Variants in ST3GAL3 observed in about 807,000 individuals in gnomAD.
ST3GAL3 encodes the protein ST3 beta-galactoside alpha-2,3-sialyltransferase 3.
In ST3GAL3, 21 loss-of-function variants were observed where a neutral mutation model predicts 50.1. The observed-to-expected ratio is 0.42, with a 90% CI of 0.30 to 0.60. ST3GAL3 has a LOEUF of 0.60. Ranked by LOEUF, ST3GAL3 falls within the 20% of genes least tolerant of loss-of-function variation. The pLI is 0.19. For missense variants in ST3GAL3, 353 were observed against 489.4 expected, an observed-to-expected ratio of 0.72 and a Z score of 2.63; for synonymous variants, 183 against 190.0, an observed-to-expected ratio of 0.96 and a Z score of 0.30.
At position 43,894,212 on chromosome 1, in the gene ST3GAL3, T is replaced by C. The variant is rs2077039921; in HGVS notation, c.303-171T>C. 2.9e-6 allele frequency: 2 copies of C among 695,020 alleles called. 1 individual carries two copies. The highest frequency in any genetic ancestry group is 3.5e-5 in the African/African-American group (2 of 57,658). The allele number at this position is 695,020 out of a possible 1,614,324, so 43.1% of individuals were successfully genotyped here. Reference sequence around the variant, plus strand: ...CAGACTCAGGCTCCACTGAACAAGATCTGTCAAACCCCTCGACAGCTACCC... The same window carrying C: ...CAGACTCAGGCTCCACTGAACAAGACCTGTCAAACCCCTCGACAGCTACCC... On this transcript the variant is annotated intron_variant, in intron 5 of 11. Transcript: ENST00000347631.
intron 2 of ST3GAL3, among the ~76,000 whole-genome samples, chr1:43,778,040 A>G (rs1037515803): frequency 4.6e-5 from 7 of 152,252 alleles, no homozygotes; most frequent in Admixed American, 3.9e-4. Flanking sequence ...ATGCCAATCA[A>G]TGATAGACTG....
chr1:43,809,150 A>C (rs1028733930), intron 3 of ST3GAL3, among the ~76,000 whole-genome samples: 1 of 152,200 alleles, frequency 6.6e-6, no homozygotes, highest in African/African-American at 2.4e-5. Flanking sequence ...GGGAAAAAAA[A>C]CAATCAGTAG....
At chr1:43,723,140 G>T (rs562165596) in intron 1 of ST3GAL3, among the ~76,000 whole-genome samples, 6 of 148,736 alleles carry the variant, frequency 4.0e-5, no homozygotes, top group Non-Finnish European at 8.9e-5. Context: ...ATGGAGTCTC[G>T]TTCTATTGCC....
chr1:43,817,601 TCTCCTTCTC>T lies in ST3GAL3; in HGVS notation c.209+2683_209+2691del, dbSNP rs139405598. 3.0e-3 allele frequency among the ~76,000 whole-genome samples: 86 copies of T among 29,110 alleles called. 1 individual carries two copies. The highest frequency in any genetic ancestry group is 6.8e-3 in the East Asian group (3 of 442). The allele number at this position is 29,110 out of a possible 152,430, so 19.1% of individuals were successfully genotyped here. A position where few individuals can be genotyped will look rare whatever the true frequency, so the allele number is the denominator to read the frequency against. Reference sequence around the variant, plus strand: ...CCTTCTCCTCCTTCTCCTCCTCCCTTCTCCTTCTCCTCCTTCTCCTCCTCCCTTCTCCTC... The same window carrying T: ...CCTTCTCCTCCTTCTCCTCCTCCCTTCTCCTTCTCCTCCTCCCTTCTCCTC... On this transcript the variant is annotated intron_variant, in intron 4 of 11. Transcript: ENST00000347631.
At chr1:43,808,303 CAA>C (rs35302476) in intron 3 of ST3GAL3, among the ~76,000 whole-genome samples, 81 of 108,158 alleles carry the variant, frequency 7.5e-4, no homozygotes, top group East Asian at 1.8e-3. Context: ...GACTCCATCT[CAA>C]AAAAAAAAAA....
intron 5 of ST3GAL3, among the ~76,000 whole-genome samples, chr1:43,892,471 T>C (rs1437855359): frequency 6.6e-6 from 1 of 152,208 alleles, no homozygotes; most frequent in Non-Finnish European, 1.5e-5. Flanking sequence ...GAAAATCAGT[T>C]TCAAGGTATA....
chr1:43,898,278 C>T lies in ST3GAL3; in HGVS notation c.441C>T (p.Arg147=). 6.2e-7 allele frequency: 1 copy of T among 1,613,820 alleles called. No homozygotes were observed. Among genetic ancestry groups the T allele is most frequent in the South Asian group, 1.1e-5 (1 of 91,082 alleles). Residue 147 remains arginine, a synonymous_variant, in exon 7 of 12, where the codon CGC becomes CGT. Transcript: ENST00000347631. ...KAILSVTKEY[R]LTPALDSLRC... ...TCTTGTCAGTCACCAAAGAGTACCG[C>T]CTGACCCCTGCCTTGGACAGGTGAG... is the stretch of plus-strand genomic sequence containing the variant.
Position 43,765,780 on chromosome 1 carries a change from TGTGTGC to T in ST3GAL3, c.119-26320_119-26315del, listed in dbSNP as rs1463821430. ...GTGTGTGTGTGTGTGTGTGTGTGTG[TGTGTGC>T]GCGCGCGCGCGCGCGTCCGCGCGTC... On this transcript the variant is annotated intron_variant, in intron 2 of 11. Coordinates refer to ENST00000347631, the MANE Select transcript of ST3GAL3 (RefSeq NM_006279.5). 1.4e-3 allele frequency among the ~76,000 whole-genome samples: 194 copies of T among 138,882 alleles called. 1 individual carries two copies. In the South Asian group the frequency reaches 0.015, roughly 11 times the overall value. The allele number at this position is 138,882 out of a possible 152,430, so 91.1% of individuals were successfully genotyped here.
chr1:43,835,670 GAA>G (rs1170470385), intron 4 of ST3GAL3, among the ~76,000 whole-genome samples: 1 of 152,158 alleles, frequency 6.6e-6, no homozygotes, highest in Non-Finnish European at 1.5e-5. Context: ...AAACTAGAGA[GAA>G]AAGAGGTGGC....
At chr1:43,807,080 G>T (rs924277124) in intron 3 of ST3GAL3, among the ~76,000 whole-genome samples, 1 of 152,202 alleles carries the variant, frequency 6.6e-6, no homozygotes, top group Non-Finnish European at 1.5e-5. Flanking sequence ...GTTCAGCCTC[G>T]CAGGAACATT....
At chr1:43,716,111 C>A (rs778052609) in intron 1 of ST3GAL3, among the ~76,000 whole-genome samples, 1 of 152,332 alleles carries the variant, frequency 6.6e-6, no homozygotes, top group Non-Finnish European at 1.5e-5. Context: ...ATGCACTCAA[C>A]AGTTTTCTTT....
intron 2 of ST3GAL3, among the ~76,000 whole-genome samples, chr1:43,788,564 T>C (rs1033478167): frequency 1.3e-5 from 2 of 152,200 alleles, no homozygotes; most frequent in Admixed American, 6.5e-5. Context: ...TCAGGACTGA[T>C]TGGAACTGAT....
At chr1:43,818,657 A>T (rs1178271380) in intron 4 of ST3GAL3, among the ~76,000 whole-genome samples, 1 of 152,214 alleles carries the variant, frequency 6.6e-6, no homozygotes, top group Non-Finnish European at 1.5e-5. Context: ...AATTGGAATT[A>T]CCACACATCA....
chr1:43,730,806 C>T (rs1191846529), intron 1 of ST3GAL3, among the ~76,000 whole-genome samples: 3 of 151,870 alleles, frequency 2.0e-5, no homozygotes, highest in African/African-American at 7.3e-5. Context: ...CCTGGCCTCT[C>T]AAAGTGCTAG....
At chr1:43,807,288 C>T (rs1031511834) in intron 3 of ST3GAL3, among the ~76,000 whole-genome samples, 1 of 152,138 alleles carries the variant, frequency 6.6e-6, no homozygotes, top group Admixed American at 6.5e-5. Context: ...TGGTGGCACA[C>T]CCCTGTAATC....
chr1:43,781,205 C>G (rs543116810), intron 2 of ST3GAL3, among the ~76,000 whole-genome samples: 1 of 152,242 alleles, frequency 6.6e-6, no homozygotes, highest in East Asian at 1.9e-4. Flanking sequence ...GTTTCTGTCA[C>G]TTGGGGAGAT....
chr1:43,891,658 C>T (rs933673507), intron 5 of ST3GAL3, among the ~76,000 whole-genome samples: 7 of 152,154 alleles, frequency 4.6e-5, no homozygotes, highest in African/African-American at 1.2e-4. Context: ...TGTCTGAATT[C>T]CTAATGATTA....
chr1:43,722,357 A>G (rs957945660), intron 1 of ST3GAL3, among the ~76,000 whole-genome samples: 5 of 152,188 alleles, frequency 3.3e-5, no homozygotes, highest in Non-Finnish European at 5.9e-5. Context: ...AGGCTCATAA[A>G]AAGATGAGGT....
chr1:43,803,969 A>C lies in ST3GAL3; in HGVS notation c.167-10922A>C, dbSNP rs913860450. 7.9e-5 allele frequency among the ~76,000 whole-genome samples: 12 copies of C among 152,282 alleles called. No homozygotes were observed. In the East Asian group the frequency reaches 2.3e-3, roughly 29 times the overall value. Reference sequence around the variant, plus strand: ...GGAAGCCTAAGCCATCAGACTAAACACTTCTGCTGGCTTTCTGCTTTCATA... The same window carrying C: ...GGAAGCCTAAGCCATCAGACTAAACCCTTCTGCTGGCTTTCTGCTTTCATA... On this transcript the variant is annotated intron_variant, in intron 3 of 11. Transcript: ENST00000347631.
Sources: gnomAD v4.1 joint callset for allele counts (sites outside exome capture counted in the v4.1 genomes callset) on GRCh38, gnomAD v4.1.1 for gene constraint, MANE v1.5 for transcripts, NCBI Gene and HGNC (gene_info 2026-07-23, HGNC 2026-07-21) for gene names.